Variants in NIT1 observed in about 807,000 individuals in gnomAD.
The protein encoded by NIT1 is nitrilase 1.
In NIT1, 30 loss-of-function variants were observed where a neutral mutation model predicts 36.8. The observed-to-expected ratio is 0.82, with a 90% CI of 0.61 to 1.11. NIT1 has a LOEUF of 1.11. Among genes scored for constraint, NIT1 ranks in the 50% least tolerant of loss-of-function variants. The pLI, the probability that NIT1 is intolerant of heterozygous loss-of-function variation, is 0.00. For missense variants in NIT1, 438 were observed against 410.6 expected (o/e 1.07, Z -0.58); for synonymous variants, 151 against 155.6 (o/e 0.97, Z 0.22).
chr1:161,119,167 C>G lies in NIT1; in HGVS notation c.132C>G (p.Cys44Trp). 1.2e-6 allele frequency: 2 copies of G among 1,614,044 alleles called. No homozygotes were observed. The highest frequency in any genetic ancestry group is 2.2e-5 in the East Asian group (1 of 44,884). Reference sequence around the variant, plus strand: ...CCATGGCTATCTCCTCTTCCTCCTGCGAACTGCCCCTGGTGGCTGTGTGCC... The same window carrying G: ...CCATGGCTATCTCCTCTTCCTCCTGGGAACTGCCCCTGGTGGCTGTGTGCC... ...PRAMAISSSS[C>W]ELPLVAVCQV... is the part of the protein sequence containing the mutation. The change falls in exon 3 of 7, where the codon TGC (cysteine) becomes TGG (tryptophan). Residue 44 changes from cysteine (C) to tryptophan (W), a missense_variant. Physicochemically the swap from Cys to Trp is radical, Grantham distance 215. Transcript: ENST00000368009.
intron 1 of NIT1, 118 bp downstream of exon 1, chr1:161,118,296 C>T: frequency 1.5e-6 from 2 of 1,309,242 alleles, no homozygotes; most frequent in South Asian, 1.2e-5. Flanking sequence ...CTGGAGCGGG[C>T]GGCGGGAGGG....
At chr1:161,122,883 A>G (rs1461657172), downstream of NIT1, 1 of 1,027,146 alleles carries the variant, frequency 9.7e-7, no homozygotes, top group Non-Finnish European at 1.5e-6. The surrounding 1 kb of genome is among the most constrained non-coding windows in gnomAD (Gnocchi z 4.2). Flanking sequence ...ATTAACTAAC[A>G]AGAGTTGAAA....
chr1:161,123,146 C>T (rs1283556060), downstream of NIT1: 2 of 1,614,234 alleles, frequency 1.2e-6, no homozygotes, highest in Non-Finnish European at 1.7e-6. Flanking sequence ...AAGTGTGGCT[C>T]TCCCTCGGGC....
At chr1:161,124,514 A>G (rs761781755), downstream of NIT1, 20 of 1,560,540 alleles carry the variant, frequency 1.3e-5, no homozygotes, top group Non-Finnish European at 1.7e-5. Context: ...CAGCAGCTGC[A>G]ATCCCCACCG....
At chr1:161,123,653 A>G (rs1655810146), downstream of NIT1, among the ~76,000 whole-genome samples, 1 of 145,292 alleles carries the variant, frequency 6.9e-6, no homozygotes. Flanking sequence ...AAAAAAAAAA[A>G]GACAAGACAT....
At chr1:161,124,052 A>G (rs1238239319), downstream of NIT1, 12 of 1,577,688 alleles carry the variant, frequency 7.6e-6, no homozygotes, top group African/African-American at 4.0e-5. Context: ...CCCAGGATCA[A>G]TGTGTCCTCC....
rs777019059 is a variant in NIT1, at chr1:161,120,796, C to T, written c.*31C>T. 1.3e-6 allele frequency: 2 copies of T among 1,594,180 alleles called. No individual in the cohort carries two copies. The highest frequency in any genetic ancestry group is 1.3e-5 in the African/African-American group (1 of 74,736). ...GACTTCTGTGAGTTTAGACCTGCCC[C>T]TCCCACCCCCACCCTGCCACTATGA... On this transcript the variant is annotated 3_prime_UTR_variant, in exon 7 of 7. Coordinates refer to ENST00000368009, the MANE Select transcript of NIT1 (RefSeq NM_005600.3).
downstream of NIT1, chr1:161,122,384 G>T: frequency 6.2e-7 from 1 of 1,614,204 alleles, no homozygotes; most frequent in Non-Finnish European, 8.5e-7. The surrounding 1 kb of genome is among the most constrained non-coding windows in gnomAD (Gnocchi z 4.2). Flanking sequence ...TGGAGCCCAG[G>T]TCCCGGGACT....
At position 161,119,374 on chromosome 1, in the gene NIT1, C is replaced by T. The variant is rs750547483; in HGVS notation, c.339C>T (p.Tyr113=). The T allele has an allele frequency of 2.5e-6, 4 of 1,613,958 alleles. No individual in the cohort carries two copies. The highest frequency in any genetic ancestry group is 2.2e-5 in the South Asian group (2 of 91,084). ...TGGGTGGGAAACTTTTGGAAGAATA[C>T]ACCCAGCTTGCCAGGTATCAGGGAA... is the stretch of plus-strand genomic sequence containing the variant. ...EPLGGKLLEE[Y]TQLARECGLW... The change falls in exon 3 of 7, where the codon TAC becomes TAT. Residue 113 remains tyrosine (Y), a synonymous_variant. Transcript: ENST00000368009.
chr1:161,121,105 T>C lies in NIT1; in HGVS notation c.*340T>C. On this transcript the variant is annotated 3_prime_UTR_variant, in exon 7 of 7. Coordinates refer to ENST00000368009, the MANE Select transcript of NIT1 (RefSeq NM_005600.3). ...TCGCCTTTGGGAACTAGAAGGGGAG[T>C]TGGTATTGTACCAGCTGGACTAAGC... 8.7e-7 allele frequency: 1 copy of C among 1,151,288 alleles called. No homozygotes were observed. The allele number at this position is 1,151,288 out of a possible 1,614,324, so 71.3% of individuals were successfully genotyped here. A position where few individuals can be genotyped will look rare whatever the true frequency, so the allele number is the denominator to read the frequency against.
downstream of NIT1, chr1:161,122,043 G>C: frequency 7.6e-7 from 1 of 1,316,250 alleles, no homozygotes; most frequent in Non-Finnish European, 1.0e-6. This position sits in a 1 kb window ranked among gnomAD's most constrained non-coding sequence, Gnocchi z 4.2. Context: ...AAAAAAAAAG[G>C]CAGGGGTGTG....
downstream of NIT1, chr1:161,122,043 G>GAATT (rs1655557716): frequency 3.0e-6 from 4 of 1,316,172 alleles, no homozygotes; most frequent in Non-Finnish European, 4.1e-6. The surrounding 1 kb of genome is among the most constrained non-coding windows in gnomAD (Gnocchi z 4.2). Context: ...AAAAAAAAAG[G>GAATT]CAGGGGTGTG....
At chr1:161,123,108 C>T (rs773041210), downstream of NIT1, 2 of 1,614,216 alleles carry the variant, frequency 1.2e-6, no homozygotes, top group Non-Finnish European at 1.7e-6. Context: ...TCTGGTGTCA[C>T]TGACTTCCGG....
chr1:161,121,104 G>C lies in NIT1; in HGVS notation c.*339G>C. On this transcript the variant is annotated 3_prime_UTR_variant, in exon 7 of 7. Transcript: ENST00000368009. The stretch of plus-strand genomic sequence containing the variant: ...ATCGCCTTTGGGAACTAGAAGGGGA[G>C]TTGGTATTGTACCAGCTGGACTAAG... 1 of 1,150,536 alleles carries C rather than the reference G, an allele frequency of 8.7e-7. No homozygotes were observed. Among genetic ancestry groups the C allele is most frequent in the African/African-American group, 1.6e-5 (1 of 62,070 alleles). The allele number at this position is 1,150,536 out of a possible 1,614,324, so 71.3% of individuals were successfully genotyped here. A position where few individuals can be genotyped will look rare whatever the true frequency, so the allele number is the denominator to read the frequency against.
Position 161,119,514 on chromosome 1 carries a change from G to T in NIT1, c.359G>T (p.Cys120Phe). ...TCAGTGTCCCTTCCCCCCAGGGAAT[G>T]TGGACTCTGGCTGTCCTTGGGTGGT... ...LEEYTQLARE[C>F]GLWLSLGGFH... The change falls in exon 4 of 7, where the codon TGT (cysteine) becomes TTT (phenylalanine). Residue 120 changes from cysteine (C) to phenylalanine (F), a missense_variant. Cys to Phe is a radical substitution (Grantham distance 205). Coordinates refer to ENST00000368009, the MANE Select transcript of NIT1 (RefSeq NM_005600.3). 1 of 1,614,120 alleles carries T rather than the reference G, an allele frequency of 6.2e-7. No individual in the cohort carries two copies.
At chr1:161,121,821 A>G (rs561744233), downstream of NIT1, 9 of 235,248 alleles carry the variant, frequency 3.8e-5, no homozygotes, top group South Asian at 8.3e-4. Flanking sequence ...CATCCAAAAA[A>G]AAGTGTTCAC....
At chr1:161,119,082 A>G in intron 2 of NIT1, 52 bp from the exon 3 acceptor site, 1 of 1,602,902 alleles carries the variant, frequency 6.2e-7, no homozygotes, top group Non-Finnish European at 8.5e-7. Context: ...TTAGCATTAA[A>G]TTTGCTTCCC....
downstream of NIT1, chr1:161,122,541 T>C (rs980427919): frequency 5.6e-6 from 9 of 1,610,162 alleles, no homozygotes; most frequent in Non-Finnish European, 7.6e-6. This position sits in a 1 kb window ranked among gnomAD's most constrained non-coding sequence, Gnocchi z 4.2. Context: ...AAACAGAAGA[T>C]ACAGAGCAGA....
At chr1:161,120,432 G>A (rs934408859) in intron 6 of NIT1, 67 bp from the exon 7 acceptor site, 3 of 1,555,190 alleles carry the variant, frequency 1.9e-6, no homozygotes, top group Non-Finnish European at 2.6e-6. Flanking sequence ...GGTCTGTAAT[G>A]TCCCTCACCT....
Sources: gnomAD v4.1 joint callset for allele counts (sites outside exome capture counted in the v4.1 genomes callset) on GRCh38, gnomAD v4.1.1 for gene constraint, Gnocchi (gnomAD v3.1) non-coding constraint, MANE v1.5 for transcripts, NCBI Gene and HGNC (gene_info 2026-07-23, HGNC 2026-07-21) for gene names.